The following WHAMM variants were observed in gnomAD, a reference collection of about 807,000 sequenced individuals.
WHAMM encodes the protein WASP homolog-associated protein with actin, membranes and microtubules.
WHAMM carries 67 observed loss-of-function variants against 76.5 expected under a neutral mutation model. The observed-to-expected ratio is 0.88, with a 90% CI of 0.72 to 1.07. WHAMM has a LOEUF of 1.07. Ranked by LOEUF, WHAMM falls within the 50% of genes least tolerant of loss-of-function variation. The probability of loss-of-function intolerance (pLI) is 0.00; values close to 1 mark genes in which losing one functional copy is unlikely to be tolerated. For synonymous variants in WHAMM, 419 were observed against 422.1 expected (o/e 0.99, Z 0.09); for missense variants, 1,021 against 1,051.1 (o/e 0.97, Z 0.40).
chr15:82,825,281 G>GC (rs200345973), intron 6 of WHAMM, among the ~76,000 whole-genome samples: 1 of 152,184 alleles, frequency 6.6e-6, no homozygotes, highest in East Asian at 1.9e-4. Flanking sequence ...AAACCCATGA[G>GC]CCCCAGGAAG....
At chr15:82,823,314 T>G (rs769576755) in intron 6 of WHAMM, 27 bp downstream of exon 6, 3 of 1,363,982 alleles carry the variant, frequency 2.2e-6, no homozygotes, top group Non-Finnish European at 2.9e-6. Flanking sequence ...CGGCTTTCTT[T>G]TCTTTTCTCT....
rs35407574 is a variant in WHAMM at position 82,834,323 on chromosome 15, A to G, written c.*787A>G. ...AGTGTTGGGATTATAGGCATGAGCC[A>G]CCGTGCCTGGCTGATGCTGGAGCTT... On this transcript the variant is annotated 3_prime_UTR_variant, in exon 10 of 10. Coordinates refer to ENST00000286760, the MANE Select transcript of WHAMM (RefSeq NM_001080435.3). 22,297 of 152,438 alleles carry G rather than the reference A, an allele frequency of 0.15. 1,926 individuals are homozygous for G. Among genetic ancestry groups the G allele is most frequent in the East Asian group, 0.37 (1,933 of 5,182 alleles). 9.4% of individuals were successfully genotyped at this position (152,438 alleles called of 1,614,324 possible). A position where few individuals can be genotyped will look rare whatever the true frequency, so the allele number is the denominator to read the frequency against.
intron 8 of WHAMM, among the ~76,000 whole-genome samples, chr15:82,830,013 AAAG>A (rs879609814): frequency 2.0e-5 from 3 of 152,202 alleles, no homozygotes; most frequent in Non-Finnish European, 4.4e-5. Context: ...AAGTAAGAGA[AAAG>A]AAATATCCAC....
At position 82,813,294 on chromosome 15, in the gene WHAMM, TTTTAC is replaced by T; in HGVS notation, c.783+23_783+27del. On this transcript the variant is annotated intron_variant, in intron 2 of 9. Coordinates refer to ENST00000286760, the MANE Select transcript of WHAMM (RefSeq NM_001080435.3). ...ATATTTTGGTATGTTTTTTTAAAAT[TTTTAC>T]TTTATCAGATTTACTATTTGTCATA... 4 of 1,493,262 alleles carry T rather than the reference TTTTAC, an allele frequency of 2.7e-6. No individual in the cohort carries two copies. The highest frequency in any genetic ancestry group is 3.6e-6 in the Non-Finnish European group (4 of 1,119,948). 92.5% of individuals were successfully genotyped at this position (1,493,262 alleles called of 1,614,324 possible). A position where few individuals can be genotyped will look rare whatever the true frequency, so the allele number is the denominator to read the frequency against.
chr15:82,833,374 T>G lies in WHAMM; in HGVS notation c.2268T>G (p.Val756=), dbSNP rs372224620. The G allele has an allele frequency of 1.9e-6, 3 of 1,613,884 alleles. No individual in the cohort carries two copies. The African/African-American group carries it at 4.0e-5, about 22-fold the overall frequency. Residue 756 remains valine, a synonymous_variant, in exon 10 of 10, where the codon GTT becomes GTG. Coordinates refer to ENST00000286760, the MANE Select transcript of WHAMM (RefSeq NM_001080435.3). ...AIRQGVKLKK[V]HPDLGPNPSS... is the part of the protein sequence containing the mutation. ...GGCAAGGGGTCAAACTGAAGAAAGT[T>G]CACCCTGATCTTGGCCCAAACCCCA...
intron 2 of WHAMM, among the ~76,000 whole-genome samples, chr15:82,813,843 A>G (rs2050674938): frequency 6.6e-6 from 1 of 151,360 alleles, no homozygotes; most frequent in South Asian, 2.1e-4. Context: ...TATTTTTAGT[A>G]GAGACGGGGT....
In WHAMM at chr15:82,817,008, C is replaced by T. The variant is rs372053496; in HGVS notation, c.934+166C>T. Among the ~76,000 whole-genome samples the T allele has an allele frequency of 1.4e-4, 21 of 152,222 alleles. 1 individual carries two copies. The highest frequency in any genetic ancestry group is 3.4e-3 in the Middle Eastern group (1 of 294). On this transcript the variant is annotated intron_variant, in intron 3 of 9. Transcript: ENST00000286760. ...TACAGTCTGGTGAAGGGAGAGAAATCTTAATTATCTATTCATTGAAGCACA... is the reference window on the plus strand; with the variant it reads ...TACAGTCTGGTGAAGGGAGAGAAATTTTAATTATCTATTCATTGAAGCACA...
Position 82,833,287 on chromosome 15 carries a change from G to A in WHAMM, c.2181G>A (p.Val727=), listed in dbSNP as rs2051064796. ...ATGGCAGAGCTCCTCTCCGGAAGGTGGAAGTGCCGGCGGTGCGCCCTCCCC... is the reference window on the plus strand; with the variant it reads ...ATGGCAGAGCTCCTCTCCGGAAGGTAGAAGTGCCGGCGGTGCGCCCTCCCC... ...LRHGRAPLRK[V]EVPAVRPPHA... Residue 727 remains valine, a synonymous_variant, in exon 10 of 10, where the codon GTG becomes GTA. Transcript: ENST00000286760. 1 of 1,614,046 alleles carries A rather than the reference G, an allele frequency of 6.2e-7. No individual in the cohort carries two copies. The highest frequency in any genetic ancestry group is 1.7e-5 in the Admixed American group (1 of 60,032).
chr15:82,822,810 A>ATG (rs71451663), intron 5 of WHAMM, among the ~76,000 whole-genome samples: 45,409 of 150,576 alleles, frequency 0.3, 6,865 homozygotes, highest in Middle Eastern at 0.34. Flanking sequence ...TGTAAGTAGT[A>ATG]TGTGTGTGTG....
Position 82,810,295 on chromosome 15 carries a change from T to TG in WHAMM, c.570dup (p.Arg191AlafsTer36). On this transcript the variant is annotated frameshift_variant, in exon 1 of 10. Transcript: ENST00000286760. LOFTEE classifies it high-confidence loss of function. Reference sequence around the variant, plus strand: ...CCGCGCGAGTTCCGGGAGCGGGCCTTGCGCGCGCGGTGGGTCGAGGCGGAC... The same window carrying TG: ...CCGCGCGAGTTCCGGGAGCGGGCCTTGGCGCGCGCGGTGGGTCGAGGCGGAC... 1 of 1,345,662 alleles carries TG rather than the reference T, an allele frequency of 7.4e-7. No homozygotes were observed. Among genetic ancestry groups the TG allele is most frequent in the Non-Finnish European group, 9.5e-7 (1 of 1,054,386 alleles). 83.4% of individuals were successfully genotyped at this position (1,345,662 alleles called of 1,614,324 possible).
chr15:82,826,428 C>A lies in WHAMM; in HGVS notation c.1477C>A (p.His493Asn). 2 of 1,613,990 alleles carry A rather than the reference C, an allele frequency of 1.2e-6. No individual in the cohort carries two copies. The highest frequency in any genetic ancestry group is 2.7e-5 in the African/African-American group (2 of 75,044). The change falls in exon 7 of 10, where the codon CAT becomes AAT. Residue 493 changes from histidine (H) to asparagine (N), a missense_variant. Physicochemically the swap from His to Asn is moderately conservative, Grantham distance 68 (BLOSUM62 1). Around this residue, in one of 3 missense-constraint regions of WHAMM, gnomAD observed 509 missense variants for 492.3 expected, o/e 1.03. Transcript: ENST00000286760. ...CCACCAGGATCAGTGCAAAGAAAAT[C>A]ATCGGTTCAGATTGCAACAGGCTGA... Reference protein sequence around the residue: ...RSRKDQCKENHRFRLQQAEES... With the variant: ...RSRKDQCKENNRFRLQQAEES...
At chr15:82,826,307 G>C in intron 6 of WHAMM, 103 bp from the exon 7 acceptor site, 2 of 1,192,876 alleles carry the variant, frequency 1.7e-6, no homozygotes, top group Non-Finnish European at 2.5e-6. Context: ...ATTAATGAAT[G>C]CCTTACACTA....
At chr15:82,823,518 T>C (rs1389775057) in intron 6 of WHAMM, among the ~76,000 whole-genome samples, 1 of 152,202 alleles carries the variant, frequency 6.6e-6, no homozygotes, top group Non-Finnish European at 1.5e-5. Flanking sequence ...ATTTATTCAT[T>C]CAACAACTAT....
At chr15:82,818,160 A>C (rs1596280466) in intron 4 of WHAMM, 71 bp downstream of exon 4, 1 of 1,471,792 alleles carries the variant, frequency 6.8e-7, no homozygotes, top group African/African-American at 1.4e-5. Context: ...GTATAAATAA[A>C]GGATACAAGT....
At position 82,830,828 on chromosome 15, in the gene WHAMM, TTGG is replaced by T. The variant is rs2051015545; in HGVS notation, c.1874_1876del (p.Gly625del). ...ATCCCTGTCCAGGTTTTTGTTCCAG[TTGG>T]TGATCAAACACATTCCAAATCCAGT... On this transcript the variant is annotated inframe_deletion, in exon 9 of 10. Coordinates refer to ENST00000286760, the MANE Select transcript of WHAMM (RefSeq NM_001080435.3). 2.5e-6 allele frequency: 4 copies of T among 1,601,912 alleles called. No individual in the cohort carries two copies. Among genetic ancestry groups the T allele is most frequent in the Non-Finnish European group, 3.4e-6 (4 of 1,173,582 alleles).
intron 8 of WHAMM, among the ~76,000 whole-genome samples, chr15:82,829,023 T>C (rs1408921832): frequency 6.6e-6 from 1 of 152,186 alleles, no homozygotes; most frequent in African/African-American, 2.4e-5. Flanking sequence ...TGAGCACATT[T>C]GGAAGGGAGG....
intron 6 of WHAMM, among the ~76,000 whole-genome samples, chr15:82,825,281 GC>G (rs200345973): frequency 0.014 from 2,061 of 152,176 alleles, 42 homozygotes; most frequent in African/African-American, 0.048. Context: ...AAACCCATGA[GC>G]CCCAGGAAGA....
In WHAMM at chr15:82,810,310, T is replaced by C. The variant is rs1030655101; in HGVS notation, c.584T>C (p.Val195Ala). The change falls in exon 1 of 10, where the codon GTC (valine) becomes GCC (alanine). Residue 195 changes from valine (V) to alanine (A), a missense_variant. Coordinates refer to ENST00000286760, the MANE Select transcript of WHAMM (RefSeq NM_001080435.3). ...FRERALRARW[V>A]EADARLRQVI... is the part of the protein sequence containing the mutation. ...GAGCGGGCCTTGCGCGCGCGGTGGG[T>C]CGAGGCGGACGCGCGGCTGCGCCAG... 2 of 1,320,230 alleles carry C rather than the reference T, an allele frequency of 1.5e-6. No homozygotes were observed. Among genetic ancestry groups the C allele is most frequent in the Non-Finnish European group, 1.9e-6 (2 of 1,041,308 alleles). 81.8% of individuals were successfully genotyped at this position (1,320,230 alleles called of 1,614,324 possible).
rs1265615572 is a variant in WHAMM, at chr15:82,818,480, G to GT, written c.1104+395dup. Among the ~76,000 whole-genome samples, 3 of 152,144 alleles carry GT rather than the reference G, an allele frequency of 2.0e-5. No individual in the cohort carries two copies. In the East Asian group the frequency reaches 5.8e-4, roughly 29 times the overall value. On this transcript the variant is annotated intron_variant, in intron 4 of 9. Coordinates refer to ENST00000286760, the MANE Select transcript of WHAMM (RefSeq NM_001080435.3). ...TCTTCTGTGGAAGGTTAGACATAAA[G>GT]TTTTCCTTTGGTTAAGATGTTTCAA...
Sources: allele counts gnomAD v4.1 joint callset (sites outside exome capture counted in the v4.1 genomes callset), GRCh38; gene constraint gnomAD v4.1.1; regional missense constraint gnomAD v4.1.1; transcripts MANE v1.5; gene names NCBI Gene and HGNC (gene_info 2026-07-23, HGNC 2026-07-21).